Variants in PTPRG observed in about 807,000 individuals in gnomAD.
The protein encoded by PTPRG is receptor-type tyrosine-protein phosphatase gamma.
A neutral mutation model predicts 165.3 loss-of-function variants in PTPRG; 102 were observed. The observed-to-expected ratio is 0.62, with a 90% CI of 0.53 to 0.73. PTPRG has a LOEUF of 0.73. Ranked by LOEUF, PTPRG falls within the 30% of genes least tolerant of loss-of-function variation. The pLI, the probability that PTPRG is intolerant of heterozygous loss-of-function variation, is 0.00. For missense variants in PTPRG, 1,866 were observed against 1,861.4 expected (o/e 1.00, Z -0.05); for synonymous variants, 675 against 669.5 (o/e 1.01, Z -0.13).
At chr3:61,815,982 T>C (rs1221639653) in intron 2 of PTPRG, among the ~76,000 whole-genome samples, 1 of 152,224 alleles carries the variant, frequency 6.6e-6, no homozygotes, top group Non-Finnish European at 1.5e-5. Context: ...TTGAAAATAT[T>C]ACTACAAGTG....
intron 2 of PTPRG, among the ~76,000 whole-genome samples, chr3:61,915,684 A>AT (rs2038916659): frequency 6.6e-6 from 1 of 151,924 alleles, no homozygotes; most frequent in African/African-American, 2.4e-5. Context: ...TTTCTATTTT[A>AT]TTTTTTTGAG....
rs145756159 is a variant in PTPRG at position 61,994,416 on chromosome 3, G to A, written c.370+4612G>A. Among the ~76,000 whole-genome samples the A allele has an allele frequency of 2.1e-3, 321 of 152,200 alleles. 9 individuals are homozygous for A. The East Asian group carries it at 0.051, about 24-fold the overall frequency. On this transcript the variant is annotated intron_variant, in intron 3 of 29. Transcript: ENST00000474889. ...CATGCTACTTTCATCTTCTCACATT[G>A]TATTGGTTTATTATATTTTTTCTTT...
Position 62,217,145 on chromosome 3 carries a change from G to T in PTPRG, c.2156-1706G>T, listed in dbSNP as rs998463462. On this transcript the variant is annotated intron_variant, in intron 12 of 29. Transcript: ENST00000474889. This position sits in a 1 kb window ranked among gnomAD's most constrained non-coding sequence, Gnocchi z 4.3. ...CCAGGCCTGTGCACAGTAGGGGCTT[G>T]GTAAGAATCTCTCCTATCTAATGAA... Among the ~76,000 whole-genome samples, 9 of 152,288 alleles carry T rather than the reference G, an allele frequency of 5.9e-5. No homozygotes were observed. The highest frequency in any genetic ancestry group is 2.0e-4 in the Admixed American group (3 of 15,300).
intron 2 of PTPRG, among the ~76,000 whole-genome samples, chr3:61,913,211 C>A (rs1217521903): frequency 6.6e-6 from 1 of 152,084 alleles, no homozygotes. Context: ...TTTGAGGGGA[C>A]AACGTTTTCT....
chr3:61,888,158 G>A (rs1043672353), intron 2 of PTPRG, among the ~76,000 whole-genome samples: 3 of 152,000 alleles, frequency 2.0e-5, no homozygotes, highest in African/African-American at 4.8e-5. Context: ...TACAAAAACC[G>A]TCTGTATACT....
At chr3:61,583,246 G>A (rs1700348208) in intron 1 of PTPRG, among the ~76,000 whole-genome samples, 1 of 152,190 alleles carries the variant, frequency 6.6e-6, no homozygotes, top group African/African-American at 2.4e-5. Flanking sequence ...GCCAATGCTG[G>A]ATGCATTGAC....
intron 4 of PTPRG, among the ~76,000 whole-genome samples, chr3:62,076,225 C>T (rs781250385): frequency 1.3e-4 from 19 of 151,900 alleles, no homozygotes; most frequent in Non-Finnish European, 2.2e-4. Flanking sequence ...AGGTCAAGGC[C>T]GCAGTGAGCC....
intron 2 of PTPRG, among the ~76,000 whole-genome samples, chr3:61,792,602 C>T (rs1009877258): frequency 1.3e-5 from 2 of 152,194 alleles, no homozygotes; most frequent in East Asian, 1.9e-4. Flanking sequence ...GGGTTCATAT[C>T]TCAGGTGTGC....
At chr3:61,659,187 G>A in intron 1 of PTPRG, 1 of 513,046 alleles carries the variant, frequency 1.9e-6, no homozygotes, top group Non-Finnish European at 2.5e-6. Context: ...ACATCAGACA[G>A]GATGCTGATG....
intron 2 of PTPRG, among the ~76,000 whole-genome samples, chr3:61,842,019 A>G (rs2036651045): frequency 6.6e-6 from 1 of 152,220 alleles, no homozygotes; most frequent in Non-Finnish European, 1.5e-5. Context: ...CCTGATAAGT[A>G]TACAAGAAAT....
At position 62,083,011 on chromosome 3, in the gene PTPRG, AT is replaced by A. The variant is rs150893030; in HGVS notation, c.615+4756del. ...TAAGAGTAAAGTTTGCTTTTAAAGG[AT>A]TTAAAACATAAATTTAAAATAAAAA... On this transcript the variant is annotated intron_variant, in intron 5 of 29. Transcript: ENST00000474889. Among the ~76,000 whole-genome samples, 1,292 of 152,348 alleles carry A rather than the reference AT, an allele frequency of 8.5e-3. 19 individuals are homozygous for A. Among genetic ancestry groups the A allele is most frequent in the African/African-American group, 0.03 (1,245 of 41,578 alleles).
chr3:61,907,538 C>G (rs1400821211), intron 2 of PTPRG, among the ~76,000 whole-genome samples: 1 of 152,094 alleles, frequency 6.6e-6, no homozygotes, highest in Non-Finnish European at 1.5e-5. Context: ...ATGAGCAAAA[C>G]CCTGTGCTGA....
intron 16 of PTPRG, among the ~76,000 whole-genome samples, chr3:62,260,296 C>T (rs1013924973): frequency 6.6e-6 from 1 of 152,174 alleles, no homozygotes; most frequent in African/African-American, 2.4e-5. Flanking sequence ...ACTGAGCAAT[C>T]TGAAAGATTT....
intron 4 of PTPRG, among the ~76,000 whole-genome samples, chr3:62,059,269 G>C (rs1700729117): frequency 6.6e-6 from 1 of 152,156 alleles, no homozygotes; most frequent in African/African-American, 2.4e-5. Flanking sequence ...CAAAATTATA[G>C]ATGATTCTTA....
intron 2 of PTPRG, among the ~76,000 whole-genome samples, chr3:61,911,381 A>T (rs572775675): frequency 6.6e-6 from 1 of 152,180 alleles, no homozygotes; most frequent in Non-Finnish European, 1.5e-5. Flanking sequence ...TTAAATGCTA[A>T]TTCCATCACT....
At chr3:61,827,422 A>T (rs537577269) in intron 2 of PTPRG, among the ~76,000 whole-genome samples, 2 of 152,196 alleles carry the variant, frequency 1.3e-5, no homozygotes, top group African/African-American at 4.8e-5. Flanking sequence ...ATCATACTAT[A>T]GGAAAGGTGG....
chr3:61,925,046 T>C (rs2039173306), intron 2 of PTPRG, among the ~76,000 whole-genome samples: 1 of 152,038 alleles, frequency 6.6e-6, no homozygotes, highest in Admixed American at 6.5e-5. Context: ...GATTTTGGAC[T>C]TCCTAGCCTC....
At chr3:61,580,326 G>A (rs995654510) in intron 1 of PTPRG, among the ~76,000 whole-genome samples, 1 of 150,912 alleles carries the variant, frequency 6.6e-6, no homozygotes, top group African/African-American at 2.4e-5. Context: ...ATTTTCGACC[G>A]TGCAGGAGTC....
chr3:62,020,150 G>C (rs2041654716), intron 4 of PTPRG, among the ~76,000 whole-genome samples: 1 of 152,124 alleles, frequency 6.6e-6, no homozygotes, highest in African/African-American at 2.4e-5. Context: ...TGAAAACATA[G>C]TCAATATCAA....
Sources: gnomAD v4.1 joint callset for allele counts (sites outside exome capture counted in the v4.1 genomes callset) on GRCh38, gnomAD v4.1.1 for gene constraint, Gnocchi (gnomAD v3.1) non-coding constraint, MANE v1.5 for transcripts, NCBI Gene and HGNC (gene_info 2026-07-23, HGNC 2026-07-21) for gene names.